Variants in NPM3 observed in about 807,000 individuals in gnomAD.
NPM3 encodes nucleoplasmin-3.
A neutral mutation model predicts 18.1 loss-of-function variants in NPM3; 12 were observed. The ratio of observed to expected loss-of-function variants is 0.66; its 90% confidence interval spans 0.42 to 1.07. The LOEUF is 1.07. Ranked by LOEUF, NPM3 falls within the 50% of genes least tolerant of loss-of-function variation. NPM3 has a pLI of 0.00. For missense variants in NPM3, 274 were observed against 232.1 expected (o/e 1.18, Z -1.17); for synonymous variants, 116 against 93.7 (o/e 1.24, Z -1.38).
At chr10:101,782,215 G>C in intron 4 of NPM3, 43 bp downstream of exon 4, 5 of 1,529,192 alleles carry the variant, frequency 3.3e-6, no homozygotes, top group Non-Finnish European at 4.5e-6. Flanking sequence ...CCTGATGGGA[G>C]AGTCCACTGG....
intron 2 of NPM3, 103 bp downstream of exon 2, chr10:101,782,736 G>A: frequency 6.4e-7 from 1 of 1,570,088 alleles, no homozygotes. Flanking sequence ...CGGGGGGTTA[G>A]GCTGAGGATG....
chr10:101,782,115 A>G (rs1446875948), intron 4 of NPM3, 143 bp downstream of exon 4: 9 of 891,162 alleles, frequency 1.0e-5, no homozygotes, highest in Non-Finnish European at 1.4e-5. Flanking sequence ...CATGTCATGC[A>G]CAGGGCACAG....
At chr10:101,782,710 G>A in intron 2 of NPM3, 113 bp from the exon 3 acceptor site, 11 of 1,583,712 alleles carry the variant, frequency 6.9e-6, no homozygotes, top group Middle Eastern at 1.7e-4. Context: ...CACCTGGCCA[G>A]GGGAGCCGCC....
At chr10:101,782,281 C>G in exon 4 of NPM3, 1 of 1,613,844 alleles carries the variant, frequency 6.2e-7, no homozygotes, top group Non-Finnish European at 8.5e-7. Flanking sequence ...CCCAGTGATC[C>G]GCACAGGGCC....
At chr10:101,783,057 G>C (rs760267528) in intron 1 of NPM3, 133 bp from the exon 2 acceptor site, 17 of 844,234 alleles carry the variant, frequency 2.0e-5, no homozygotes, top group Middle Eastern at 5.3e-4. Context: ...TCTTCTCTCA[G>C]AACACCTGGG....
Position 101,782,600 on chromosome 10 carries a change from G to A in NPM3, c.205-3C>T, listed in dbSNP as rs2065150318. The A allele has an allele frequency of 6.2e-7, 1 of 1,613,640 alleles. No individual in the cohort carries two copies. The highest frequency in any genetic ancestry group is 1.3e-5 in the African/African-American group (1 of 74,928). ...TTGGCTCCCTCGGTGAGGCAGAGCTGGGAACGGTACACAGGGCCTCAGGGT... is the reference window on the plus strand; with the variant it reads ...TTGGCTCCCTCGGTGAGGCAGAGCTAGGAACGGTACACAGGGCCTCAGGGT... On this transcript the variant is annotated splice_polypyrimidine_tract_variant and splice_region_variant and intron_variant, in intron 2 of 5. Coordinates refer to ENST00000370110, the Ensembl canonical transcript of NPM3.
exon 4 of NPM3, chr10:101,782,286 A>G (rs2065147165): frequency 6.2e-7 from 1 of 1,614,006 alleles, no homozygotes; most frequent in African/African-American, 1.3e-5. Flanking sequence ...TGATCCGCAC[A>G]GGGCCAGAGC....
At chr10:101,783,301 G>A in exon 1 of NPM3, 1 of 1,611,734 alleles carries the variant, frequency 6.2e-7, no homozygotes, top group Non-Finnish European at 8.5e-7. Flanking sequence ...TAGTGACCGG[G>A]GCCGGGACCC....
At chr10:101,781,776 C>A in exon 5 of NPM3, 1 of 1,614,206 alleles carries the variant, frequency 6.2e-7, no homozygotes, top group Non-Finnish European at 8.5e-7. Flanking sequence ...AAGGATGGGG[C>A]ACAGCTCAAC....
At chr10:101,781,797 T>G (rs1189220644) in exon 5 of NPM3, 1 of 1,614,180 alleles carries the variant, frequency 6.2e-7, no homozygotes, top group East Asian at 2.2e-5. Context: ...TTCTTCCTCA[T>G]CACTGTCCTC....
At chr10:101,782,342 C>G (rs370768734) in exon 4 of NPM3, 1 of 1,613,694 alleles carries the variant, frequency 6.2e-7, no homozygotes, top group Non-Finnish European at 8.5e-7. Flanking sequence ...TGGAAGTCAT[C>G]CAGACTGAGC....
chr10:101,782,962 A>G, intron 1 of NPM3, 38 bp from the exon 2 acceptor site: 3 of 1,598,732 alleles, frequency 1.9e-6, no homozygotes, highest in Non-Finnish European at 2.6e-6. Context: ...GAGCGTGTGT[A>G]CGGGGCTGGG....
In NPM3 at chr10:101,782,466, T is replaced by G. The variant is rs1564635610; in HGVS notation, c.324+12A>C. 1.9e-6 allele frequency: 3 copies of G among 1,608,928 alleles called. No homozygotes were observed. In the Admixed American group the frequency reaches 5.1e-5, roughly 27 times the overall value. ...ACCACCACCACCACCAAGGCAGAGCTGGGGAACTCACCATGGGTTGGCAGG... is the reference window on the plus strand; with the variant it reads ...ACCACCACCACCACCAAGGCAGAGCGGGGGAACTCACCATGGGTTGGCAGG... On this transcript the variant is annotated intron_variant, in intron 3 of 5. Transcript: ENST00000370110.
intron 4 of NPM3, 54 bp from the exon 5 acceptor site, chr10:101,781,908 C>T (rs2065144125): frequency 5.6e-6 from 9 of 1,613,948 alleles, no homozygotes; most frequent in Non-Finnish European, 7.6e-6. Flanking sequence ...GACCGTTTCA[C>T]ACCGCATGCC....
rs1449089749 is a variant in NPM3, at chr10:101,782,460, C to T, written c.324+18G>A. On this transcript the variant is annotated intron_variant, in intron 3 of 5. Transcript: ENST00000370110. Reference sequence around the variant, plus strand: ...ACCACCACCACCACCACCACCAAGGCAGAGCTGGGGAACTCACCATGGGTT... The same window carrying T: ...ACCACCACCACCACCACCACCAAGGTAGAGCTGGGGAACTCACCATGGGTT... 6 of 1,606,974 alleles carry T rather than the reference C, an allele frequency of 3.7e-6. No individual in the cohort carries two copies. The highest frequency in any genetic ancestry group is 3.4e-6 in the Non-Finnish European group (4 of 1,176,334).
At chr10:101,782,193 G>C in intron 4 of NPM3, 65 bp downstream of exon 4, 1 of 1,398,404 alleles carries the variant, frequency 7.2e-7, no homozygotes, top group South Asian at 1.2e-5. Flanking sequence ...CAGGAGTGCG[G>C]AGTGGGGGAA....
intron 4 of NPM3, 38 bp from the exon 5 acceptor site, chr10:101,781,892 A>C: frequency 6.2e-7 from 1 of 1,614,128 alleles, no homozygotes; most frequent in Non-Finnish European, 8.5e-7. Flanking sequence ...TGGGGTGTTA[A>C]GACCAGACCG....
intron 1 of NPM3, 125 bp downstream of exon 1, chr10:101,783,148 C>T: frequency 1.1e-6 from 1 of 880,634 alleles, no homozygotes; most frequent in Non-Finnish European, 1.8e-6. Flanking sequence ...GAGGCCCCCT[C>T]TCCTGCGGGA....
rs755804637 is a variant in NPM3, at chr10:101,782,921, C to T, written c.122G>A (p.Cys41Tyr). ...GGAGCGGGTGTGGCCGGAGAGCTCA[C>T]AGCCTGGTAGAAATAACAGTGAGTA... The change falls in exon 2 of 6, where the codon TGT becomes TAT. Residue 41 changes from cysteine to tyrosine, a missense_variant. Transcript: ENST00000370110. The T allele has an allele frequency of 1.9e-6, 3 of 1,613,978 alleles. No homozygotes were observed. In the South Asian group the frequency reaches 3.3e-5, roughly 18 times the overall value.
Sources: gnomAD v4.1 joint callset for allele counts on GRCh38, gnomAD v4.1.1 for gene constraint, MANE v1.5 for transcripts, NCBI Gene and HGNC (gene_info 2026-07-23, HGNC 2026-07-21) for gene names.